ASTN2: variants seen among roughly 807,000 people sequenced by gnomAD.
ASTN2 encodes the protein astrotactin-2.
In ASTN2, 54 loss-of-function variants were observed where a neutral mutation model predicts 139.8. The ratio of observed to expected loss-of-function variants is 0.39; its 90% CI spans 0.31 to 0.48. The LOEUF (loss-of-function observed/expected upper bound fraction) is 0.48, where lower values mean the gene tolerates loss of function less well. Among genes scored for constraint, ASTN2 ranks in the 20% least tolerant of loss-of-function variants. The probability of loss-of-function intolerance (pLI) is 0.95; values close to 1 mark genes in which losing one functional copy is unlikely to be tolerated. For missense variants in ASTN2, 1,565 were observed against 1,725.1 expected, an observed-to-expected ratio of 0.91 and a Z score of 1.64; for synonymous variants, 756 against 719.5, an observed-to-expected ratio of 1.05 and a Z score of -0.81.
intron 19 of ASTN2, among the ~76,000 whole-genome samples, chr9:116,509,146 T>C (rs544696337): frequency 6.6e-6 from 1 of 152,286 alleles, no homozygotes; most frequent in East Asian, 1.9e-4. Flanking sequence ...CTCCTAATGC[T>C]ATCACTCCCC....
chr9:116,529,291 T>A (rs976852442), intron 19 of ASTN2, among the ~76,000 whole-genome samples: 1 of 152,086 alleles, frequency 6.6e-6, no homozygotes, highest in African/African-American at 2.4e-5. Context: ...GGAGAGATTA[T>A]TTTGGACCTT....
chr9:117,384,566 G>T (rs1830350279), intron 1 of ASTN2, among the ~76,000 whole-genome samples: 1 of 152,134 alleles, frequency 6.6e-6, no homozygotes, highest in South Asian at 2.1e-4. Flanking sequence ...ATCCAACCTT[G>T]GTTCTCCCAC....
intron 2 of ASTN2, among the ~76,000 whole-genome samples, chr9:117,276,394 C>T (rs1834189921): frequency 6.6e-6 from 1 of 152,172 alleles, no homozygotes; most frequent in African/African-American, 2.4e-5. Flanking sequence ...AAGTGGGAAT[C>T]CTTCACCTGA....
chr9:117,224,103 G>T (rs1832621802), intron 2 of ASTN2, among the ~76,000 whole-genome samples: 1 of 152,352 alleles, frequency 6.6e-6, no homozygotes, highest in Admixed American at 6.5e-5. Flanking sequence ...TTATCAAGGA[G>T]AAAGCTAAGG....
intron 20 of ASTN2, among the ~76,000 whole-genome samples, chr9:116,471,999 TCTC>T (rs1848827905): frequency 6.6e-6 from 1 of 152,102 alleles, no homozygotes; most frequent in Non-Finnish European, 1.5e-5. Flanking sequence ...CCATCGTCTG[TCTC>T]CTCCTTTCCA....
intron 1 of ASTN2, among the ~76,000 whole-genome samples, chr9:117,401,958 AG>A (rs1830842111): frequency 6.6e-6 from 1 of 152,230 alleles, no homozygotes; most frequent in East Asian, 1.9e-4. Flanking sequence ...AGGACAGAGA[AG>A]GGAGAGGCAG....
At chr9:116,898,629 GT>G (rs999265722) in intron 10 of ASTN2, among the ~76,000 whole-genome samples, 3 of 151,990 alleles carry the variant, frequency 2.0e-5, no homozygotes, top group Admixed American at 1.3e-4. Flanking sequence ...TCTTATCTGT[GT>G]TTTTTCATAT....
chr9:117,323,057 T>C (rs1011540803), intron 1 of ASTN2, among the ~76,000 whole-genome samples: 2 of 152,174 alleles, frequency 1.3e-5, no homozygotes, highest in Non-Finnish European at 2.9e-5. Flanking sequence ...ATTTTTGTTT[T>C]AATTTAGTTT....
intron 1 of ASTN2, among the ~76,000 whole-genome samples, chr9:117,373,279 C>T (rs930362144): frequency 7.2e-5 from 11 of 152,234 alleles, no homozygotes; most frequent in Admixed American, 2.0e-4. Context: ...GCTTAAACTC[C>T]GTTAAGTCTT....
rs143689553 is a variant in ASTN2 at position 117,244,571 on chromosome 9, AAGGG to A, written c.631-29833_631-29830del. On this transcript the variant is annotated intron_variant, in intron 2 of 22. Coordinates refer to ENST00000313400, the MANE Select transcript of ASTN2 (RefSeq NM_001365068.1). ...TAGGACAGTGGGGAAGGAAGGAAGG[AAGGG>A]AGGGAGGGAGGGAGGGAGGGAGGGA... is the stretch of plus-strand genomic sequence containing the variant. Among the ~76,000 whole-genome samples the A allele has an allele frequency of 6.3e-3, 639 of 101,636 alleles. 8 individuals carry two copies. Among genetic ancestry groups the A allele is most frequent in the African/African-American group, 0.029 (538 of 18,370 alleles). 66.7% of individuals were successfully genotyped at this position (101,636 alleles called of 152,430 possible).
chr9:116,553,026 G>A (rs946413358), intron 19 of ASTN2, among the ~76,000 whole-genome samples: 1 of 152,180 alleles, frequency 6.6e-6, no homozygotes, highest in East Asian at 1.9e-4. Context: ...GATGAGGCCA[G>A]GTAAGACAGA....
In ASTN2 at chr9:117,023,886, C is replaced by T. The variant is rs145506960; in HGVS notation, c.1424-15627G>A. Among the ~76,000 whole-genome samples, 85 of 152,156 alleles carry T rather than the reference C, an allele frequency of 5.6e-4. 3 individuals are homozygous for T. Among genetic ancestry groups the T allele is most frequent in the South Asian group, 5.2e-3 (25 of 4,826 alleles). On this transcript the variant is annotated intron_variant, in intron 6 of 22. Coordinates refer to ENST00000313400, the MANE Select transcript of ASTN2 (RefSeq NM_001365068.1). Reference sequence around the variant, plus strand: ...AAATAGGACTGGAGGCCTCTAGATGCCAACTTGCTGTCCTCACACTGTGTT... The same window carrying T: ...AAATAGGACTGGAGGCCTCTAGATGTCAACTTGCTGTCCTCACACTGTGTT...
intron 1 of ASTN2, among the ~76,000 whole-genome samples, chr9:117,334,031 T>C (rs1828797310): frequency 6.6e-6 from 1 of 152,200 alleles, no homozygotes; most frequent in Non-Finnish European, 1.5e-5. Flanking sequence ...CTTTTCTTTG[T>C]AAAGAGCCAG....
In ASTN2 at chr9:116,820,815, G is replaced by A. The variant is rs750076202; in HGVS notation, c.2041-32C>T. The A allele has an allele frequency of 2.5e-6, 4 of 1,591,138 alleles. No homozygotes were observed. In the South Asian group the frequency reaches 3.4e-5, roughly 14 times the overall value. Reference sequence around the variant, plus strand: ...AGAGAGAGGGCAACAGGGTAGTTATGGCTTGGGAGGTTGTAGGCCCCATCA... The same window carrying A: ...AGAGAGAGGGCAACAGGGTAGTTATAGCTTGGGAGGTTGTAGGCCCCATCA... On this transcript the variant is annotated intron_variant, in intron 11 of 22. Coordinates refer to ENST00000313400, the MANE Select transcript of ASTN2 (RefSeq NM_001365068.1).
At chr9:116,885,386 C>T (rs758155198) in intron 10 of ASTN2, among the ~76,000 whole-genome samples, 8 of 152,278 alleles carry the variant, frequency 5.3e-5, no homozygotes, top group South Asian at 4.1e-4. Flanking sequence ...CAACGGAGCA[C>T]GGAGCACAGT....
intron 1 of ASTN2, among the ~76,000 whole-genome samples, chr9:117,336,171 A>T (rs550205468): frequency 3.3e-5 from 5 of 152,002 alleles, no homozygotes; most frequent in Non-Finnish European, 7.4e-5. Context: ...GGGGAATGGT[A>T]AGAGTTTGAA....
At chr9:116,482,378 T>C (rs543552754) in intron 20 of ASTN2, among the ~76,000 whole-genome samples, 1 of 152,080 alleles carries the variant, frequency 6.6e-6, no homozygotes, top group Non-Finnish European at 1.5e-5. Flanking sequence ...AGGTTTATCA[T>C]GAGAATTGAA....
intron 3 of ASTN2, among the ~76,000 whole-genome samples, chr9:117,178,056 T>G (rs2132939624): frequency 6.6e-6 from 1 of 152,316 alleles, no homozygotes; most frequent in South Asian, 2.1e-4. Context: ...TATTGTCCCT[T>G]GTTGTTGGAA....
At chr9:117,156,186 C>T (rs1830429432) in intron 3 of ASTN2, among the ~76,000 whole-genome samples, 1 of 152,028 alleles carries the variant, frequency 6.6e-6, no homozygotes, top group Non-Finnish European at 1.5e-5. Context: ...CTCCACGATG[C>T]ATGCATTATG....
Sources: gnomAD v4.1 joint callset for allele counts (sites outside exome capture counted in the v4.1 genomes callset) on GRCh38, gnomAD v4.1.1 for gene constraint, MANE v1.5 for transcripts, NCBI Gene and HGNC (gene_info 2026-07-23, HGNC 2026-07-21) for gene names.